The following TFE3 variants were observed in gnomAD, a reference collection of about 807,000 sequenced individuals.
TFE3 encodes the protein transcription factor binding to IGHM enhancer 3, also known as transcription factor E3.
Under a neutral mutation model 35.0 loss-of-function variants are expected in TFE3, and 5 were observed. The ratio of observed to expected loss-of-function variants is 0.14; its 90% CI spans 0.07 to 0.30. TFE3 has a LOEUF of 0.30. TFE3 is among the 10% of genes least tolerant of loss of function. TFE3 has a pLI of 1.00. For synonymous variants in TFE3, 211 were observed against 215.6 expected (o/e 0.98, Z 0.18); for missense variants, 374 against 496.6 (o/e 0.75, Z 2.35).
At chrX:49,042,911 C>T (rs1224821419) in intron 1 of TFE3, among the ~76,000 whole-genome samples, 200 bp downstream of exon 1, 1 of 112,119 alleles carries the variant, frequency 8.9e-6, no homozygotes, top group East Asian at 2.8e-4. Flanking sequence ...CCGCTTAATG[C>T]ACTCCCACGA....
At chrX:49,033,816 C>T (rs782075514) in intron 6 of TFE3, 34 bp from the exon 7 acceptor site, 1 of 1,195,239 alleles carries the variant, frequency 8.4e-7, no homozygotes, top group Non-Finnish European at 1.1e-6. Context: ...GGCCTCTGAG[C>T]ACAGGAAGGC....
chrX:49,029,463 C>T lies in TFE3; in HGVS notation c.*695G>A. 1 of 263,007 alleles carries T rather than the reference C, an allele frequency of 3.8e-6. No homozygotes were observed. The highest frequency in any genetic ancestry group is 6.6e-5 in the South Asian group (1 of 15,251). 21.7% of individuals were successfully genotyped at this position (263,007 alleles called of 1,213,427 possible). A position where few individuals can be genotyped will look rare whatever the true frequency, so the allele number is the denominator to read the frequency against. On this transcript the variant is annotated 3_prime_UTR_variant, in exon 10 of 10. Transcript: ENST00000315869. ...AGGGTGGGGCTGTGATCTCCACAAG[C>T]ACTAGCGGTGGCCTGGTCCTACTGA...
At position 49,036,499 on chromosome X, in the gene TFE3, T is replaced by TA. The variant is rs1298940995; in HGVS notation, c.885+1510dup. ...AAAAAAAAATTCAATAAAAAATAAA[T>TA]AAATAAATAAATAAAGCAAGTTAGG... is the stretch of plus-strand genomic sequence containing the variant. On this transcript the variant is annotated intron_variant, in intron 5 of 9. Coordinates refer to ENST00000315869, the MANE Select transcript of TFE3 (RefSeq NM_006521.6). Among the ~76,000 whole-genome samples the TA allele has an allele frequency of 2.1e-3, 185 of 86,304 alleles. 1 individual carries two copies. The highest frequency in any genetic ancestry group is 3.1e-3 in the Non-Finnish European group (151 of 48,640). The allele number at this position is 86,304 out of a possible 115,157, so 74.9% of individuals were successfully genotyped here.
chrX:49,031,810 T>C (rs1038117715), intron 8 of TFE3: 2 of 244,714 alleles, frequency 8.2e-6, no homozygotes, highest in Non-Finnish European at 1.5e-5. Context: ...TTGATCTCAC[T>C]ACAGCCACAT....
Position 49,038,238 on chromosome X carries a change from G to C in TFE3, c.739C>G (p.Pro247Ala). The C allele has an allele frequency of 8.3e-7, 1 of 1,210,852 alleles. No individual in the cohort carries two copies. The highest frequency in any genetic ancestry group is 1.1e-6 in the Non-Finnish European group (1 of 895,351). The change falls in exon 4 of 10, where the codon CCC becomes GCC. Residue 247 changes from proline to alanine, a missense_variant. Pro to Ala is a conservative substitution (Grantham distance 27). Around this residue, in one of 3 missense-constraint regions of TFE3, gnomAD observed 167 missense variants for 297.2 expected, o/e 0.56. Transcript: ENST00000315869. ...GACCCGATGGTGAGCAGCGCCATGGGGCTGTTGGGCGCACTGCCTGTGGGG... is the reference window on the plus strand; with the variant it reads ...GACCCGATGGTGAGCAGCGCCATGGCGCTGTTGGGCGCACTGCCTGTGGGG... Reference protein sequence around the residue: ...TGPTGSAPNSPMALLTIGSSS... With the variant: ...TGPTGSAPNSAMALLTIGSSS...
chrX:49,032,462 T>A (rs1191879273), intron 8 of TFE3, among the ~76,000 whole-genome samples: 2 of 110,739 alleles, frequency 1.8e-5, no homozygotes, highest in Non-Finnish European at 3.8e-5. Context: ...GGTCTCAAAC[T>A]CCTGACCTCA....
At chrX:49,040,406 G>A (rs1557075519) in intron 2 of TFE3, 49 bp downstream of exon 2, 1 of 1,009,724 alleles carries the variant, frequency 9.9e-7, no homozygotes, top group African/African-American at 1.9e-5. Context: ...AGAGGGGAGA[G>A]GAGGGCTGAG....
chrX:49,040,663 G>T, intron 1 of TFE3, 95 bp from the exon 2 acceptor site: 1 of 594,277 alleles, frequency 1.7e-6, no homozygotes, highest in Non-Finnish European at 2.8e-6. Context: ...GAGGGGGGGA[G>T]AACGAAGAGG....
At chrX:49,038,969 A>G in intron 3 of TFE3, 138 bp downstream of exon 3, 3 of 593,138 alleles carry the variant, frequency 5.1e-6, no homozygotes, top group Non-Finnish European at 7.4e-6. Flanking sequence ...CAGATAATTT[A>G]AACAGTACCA....
rs985698346 is a variant in TFE3, at chrX:49,029,887, T to C, written c.*271A>G. The stretch of plus-strand genomic sequence containing the variant: ...CACAGGGGCAGGGGTGAGGCTGTGA[T>C]CCCCAGGGGGCAGGCCCTGATCTCA... On this transcript the variant is annotated 3_prime_UTR_variant, in exon 10 of 10. Coordinates refer to ENST00000315869, the MANE Select transcript of TFE3 (RefSeq NM_006521.6). 9 of 505,395 alleles carry C rather than the reference T, an allele frequency of 1.8e-5. No individual in the cohort carries two copies. In the African/African-American group the frequency reaches 1.8e-4, roughly 10 times the overall value. The allele number at this position is 505,395 out of a possible 1,213,427, so 41.7% of individuals were successfully genotyped here.
At chrX:49,034,362 T>TA (rs781902060) in intron 5 of TFE3, 111 bp from the exon 6 acceptor site, 2 of 524,371 alleles carry the variant, frequency 3.8e-6, no homozygotes, top group African/African-American at 2.3e-5. Flanking sequence ...GGGCACCCTC[T>TA]AATGCAAGGA....
chrX:49,038,586 C>A, intron 3 of TFE3, 144 bp from the exon 4 acceptor site: 1 of 768,255 alleles, frequency 1.3e-6, no homozygotes, highest in Non-Finnish European at 1.8e-6. Flanking sequence ...CTGAGAACAC[C>A]CCAAAAATAT....
At chrX:49,040,699 C>T (rs1193596315) in intron 1 of TFE3, 131 bp from the exon 2 acceptor site, 12 of 467,809 alleles carry the variant, frequency 2.6e-5, no homozygotes, top group Middle Eastern at 5.5e-4. Flanking sequence ...CATATTTGGC[C>T]ACCTTGCTGG....
intron 5 of TFE3, among the ~76,000 whole-genome samples, chrX:49,035,414 TTTTTTTTTTG>T (rs1252278917): frequency 1.1e-4 from 1 of 9,400 alleles, no homozygotes; most frequent in Non-Finnish European, 6.3e-4. Context: ...TTTTTTTTTT[TTTTTTTTTTG>T]GAGACGGAGT....
At chrX:49,031,029 GA>G (rs1205639507) in intron 9 of TFE3, among the ~76,000 whole-genome samples, 1 of 110,330 alleles carries the variant, frequency 9.1e-6, no homozygotes, top group Non-Finnish European at 1.9e-5. Context: ...AGGTTGCGGT[GA>G]GCCGAGATTG....
In TFE3 at chrX:49,034,338, A is replaced by T. The variant is rs141452086; in HGVS notation, c.886-87T>A. 589 of 635,127 alleles carry T rather than the reference A, an allele frequency of 9.3e-4. 3 individuals carry two copies. The African/African-American group carries it at 0.01, about 11-fold the overall frequency. 52.3% of individuals were successfully genotyped at this position (635,127 alleles called of 1,213,427 possible). ...CAGAACCAGGTTCCTGAGCTTCCACATATCCCAAAGATGGGGCACCCTCTA... is the reference window on the plus strand; with the variant it reads ...CAGAACCAGGTTCCTGAGCTTCCACTTATCCCAAAGATGGGGCACCCTCTA... On this transcript the variant is annotated intron_variant, in intron 5 of 9. Transcript: ENST00000315869.
intron 7 of TFE3, 54 bp downstream of exon 7, chrX:49,033,672 G>A (rs1263713331): frequency 1.8e-5 from 22 of 1,194,497 alleles, no homozygotes; most frequent in African/African-American, 5.3e-5. Flanking sequence ...GCCAGGACTC[G>A]GGGTGAGGCA....
At position 49,033,425 on chromosome X, in the gene TFE3, C is replaced by A. The variant is rs1472034960; in HGVS notation, c.1136+40G>T. On this transcript the variant is annotated intron_variant, in intron 8 of 9. Transcript: ENST00000315869. ...AATTTTAGTAGCATGGGACGCCTGC[C>A]CCACCTCCCGCTGGCCTGAGGGTCC... 6 of 1,180,690 alleles carry A rather than the reference C, an allele frequency of 5.1e-6. No individual in the cohort carries two copies. The African/African-American group carries it at 8.9e-5, about 17-fold the overall frequency.
At chrX:49,035,368 C>T (rs1297272530) in intron 5 of TFE3, among the ~76,000 whole-genome samples, 2 of 80,709 alleles carry the variant, frequency 2.5e-5, no homozygotes, top group African/African-American at 9.6e-5. Context: ...AAAGTATATC[C>T]AAATCCCACT....
Sources: allele counts gnomAD v4.1 joint callset (sites outside exome capture counted in the v4.1 genomes callset), GRCh38; gene constraint gnomAD v4.1.1; regional missense constraint gnomAD v4.1.1; transcripts MANE v1.5; gene names NCBI Gene and HGNC (gene_info 2026-07-23, HGNC 2026-07-21).